Variants in NRCAM observed in about 807,000 individuals in gnomAD.
NRCAM encodes NgCAM-related cell adhesion molecule.
NRCAM carries 83 observed loss-of-function variants against 156.5 expected under a neutral mutation model. The observed-to-expected ratio is 0.53, with a 90% CI of 0.44 to 0.64. NRCAM has a LOEUF of 0.64. Among genes scored for constraint, NRCAM ranks in the 30% least tolerant of loss-of-function variants. The probability of loss-of-function intolerance (pLI) is 0.00; values close to 1 mark genes in which losing one functional copy is unlikely to be tolerated. For synonymous variants in NRCAM, 538 were observed against 563.9 expected (o/e 0.95, Z 0.65); for missense variants, 1,417 against 1,597.3 (o/e 0.89, Z 1.92).
chr7:108,188,744 G>T (rs2068957276), intron 20 of NRCAM, among the ~76,000 whole-genome samples: 1 of 95,170 alleles, frequency 1.1e-5, no homozygotes, highest in African/African-American at 3.5e-5. Flanking sequence ...CAAGGACATT[G>T]AACACTCAAG....
In NRCAM at chr7:108,180,374, C is replaced by G; in HGVS notation, c.2700G>C (p.Glu900Asp). 6.2e-7 allele frequency: 1 copy of G among 1,614,230 alleles called. No homozygotes were observed. Among genetic ancestry groups the G allele is most frequent in the Non-Finnish European group, 8.5e-7 (1 of 1,180,034 alleles). ...SSSKRNRRHI[E>D]KKILTFQGSK... ...TGCCTTGGAAGGTGAGGATCTTTTT[C>G]TCAATGTGACGTCTGTTTCTTTTAG... The change falls in exon 25 of 33, where the codon GAG becomes GAC. Residue 900 changes from glutamate (E) to aspartate (D), a missense_variant. Physicochemically the swap from Glu to Asp is conservative, Grantham distance 45. Transcript: ENST00000379028.
chr7:108,187,674 G>A (rs977980777), intron 20 of NRCAM, among the ~76,000 whole-genome samples: 22 of 152,248 alleles, frequency 1.4e-4, no homozygotes, highest in Admixed American at 6.5e-4. Context: ...AGAGGTGGCC[G>A]GGCGCAGTGG....
At chr7:108,299,061 A>T (rs1246996682) in intron 3 of NRCAM, among the ~76,000 whole-genome samples, 1 of 128,136 alleles carries the variant, frequency 7.8e-6, no homozygotes, top group Non-Finnish European at 1.7e-5. Context: ...AACCAAGATC[A>T]CACTACTGCA....
At chr7:108,406,152 A>G in intron 1 of NRCAM, among the ~76,000 whole-genome samples, 1 of 152,132 alleles carries the variant, frequency 6.6e-6, no homozygotes, top group East Asian at 1.9e-4. Context: ...TAGGTGGTCC[A>G]AAGGAGACAG....
intron 1 of NRCAM, among the ~76,000 whole-genome samples, chr7:108,425,599 T>C (rs1160206454): frequency 2.0e-5 from 3 of 152,330 alleles, no homozygotes; most frequent in Admixed American, 2.0e-4. Context: ...TATCCCTGAC[T>C]TTATAGTTCT....
At chr7:108,448,838 T>C (rs1847297289) in intron 1 of NRCAM, among the ~76,000 whole-genome samples, 1 of 152,010 alleles carries the variant, frequency 6.6e-6, no homozygotes, top group Non-Finnish European at 1.5e-5. Context: ...GAAAAAACAC[T>C]GGTTAGACAA....
At chr7:108,191,937 A>G (rs753724455) in intron 17 of NRCAM, 84 bp from the exon 18 acceptor site, 2 of 1,464,508 alleles carry the variant, frequency 1.4e-6, no homozygotes, top group Non-Finnish European at 1.8e-6. Context: ...AAAAAACTGT[A>G]AATTTGATAA....
intron 3 of NRCAM, among the ~76,000 whole-genome samples, chr7:108,271,350 C>G (rs1051703339): frequency 7.9e-5 from 12 of 152,148 alleles, no homozygotes; most frequent in African/African-American, 2.9e-4. Flanking sequence ...TCATTCAAAA[C>G]ACACTCCTAC....
chr7:108,186,361 C>A (rs2066798960), intron 20 of NRCAM, among the ~76,000 whole-genome samples: 2 of 152,178 alleles, frequency 1.3e-5, no homozygotes, highest in South Asian at 4.2e-4. Flanking sequence ...GCATCTCAAA[C>A]TGGATAGTAC....
At chr7:108,372,173 A>C (rs2154343162) in intron 2 of NRCAM, among the ~76,000 whole-genome samples, 1 of 152,270 alleles carries the variant, frequency 6.6e-6, no homozygotes, top group Admixed American at 6.5e-5. Flanking sequence ...CAAATGAATA[A>C]ACCTGGTTTC....
At chr7:108,443,648 TAAGTTAC>T (rs967162165) in intron 1 of NRCAM, among the ~76,000 whole-genome samples, 1 of 152,160 alleles carries the variant, frequency 6.6e-6, no homozygotes, top group Non-Finnish European at 1.5e-5. Flanking sequence ...TATGTGCCCT[TAAGTTAC>T]CAGGTGATGA....
intron 1 of NRCAM, among the ~76,000 whole-genome samples, chr7:108,411,102 T>A (rs1212754078): frequency 1.3e-5 from 2 of 152,222 alleles, no homozygotes; most frequent in East Asian, 1.9e-4. Flanking sequence ...AGGCCTTTTT[T>A]AATCAGTTGG....
chr7:108,170,460 T>C (rs1290136024), intron 28 of NRCAM, among the ~76,000 whole-genome samples: 1 of 152,190 alleles, frequency 6.6e-6, no homozygotes, highest in Admixed American at 6.5e-5. Flanking sequence ...CTGAGATAAA[T>C]GCGTATCTGA....
chr7:108,309,172 C>T (rs2098763037), intron 3 of NRCAM, among the ~76,000 whole-genome samples: 2 of 152,116 alleles, frequency 1.3e-5, no homozygotes, highest in Non-Finnish European at 1.5e-5. Flanking sequence ...AGGGACTGTC[C>T]AAGTATGCTA....
chr7:108,163,281 GA>G (rs2050503135), intron 30 of NRCAM, among the ~76,000 whole-genome samples: 1 of 152,106 alleles, frequency 6.6e-6, no homozygotes, highest in South Asian at 2.1e-4. Flanking sequence ...TTGTTTTCTG[GA>G]AGTCAGCTTT....
At chr7:108,413,641 T>C (rs1186441491) in intron 1 of NRCAM, among the ~76,000 whole-genome samples, 1 of 152,356 alleles carries the variant, frequency 6.6e-6, no homozygotes, top group East Asian at 1.9e-4. Flanking sequence ...AATTGGCTTT[T>C]AGGTTTCCCT....
At chr7:108,187,884 G>A (rs372396703) in intron 20 of NRCAM, among the ~76,000 whole-genome samples, 12 of 152,268 alleles carry the variant, frequency 7.9e-5, no homozygotes, top group African/African-American at 2.6e-4. Flanking sequence ...GAACCCGGGA[G>A]GCAGAGCTTG....
At chr7:108,454,155 G>A (rs572266383) in intron 1 of NRCAM, among the ~76,000 whole-genome samples, 35 of 152,290 alleles carry the variant, frequency 2.3e-4, no homozygotes, top group Non-Finnish European at 3.7e-4. Context: ...AGGAATAAAA[G>A]AATATGTAAA....
chr7:108,198,308 T>C lies in NRCAM; in HGVS notation c.1208-209A>G, dbSNP rs545769790. On this transcript the variant is annotated intron_variant, in intron 13 of 32. Transcript: ENST00000379028. Reference sequence around the variant, plus strand: ...TATGTGCTCAATATTCATTTAGTCTTAAGTCGATTGATTCTGTAACACTAA... The same window carrying C: ...TATGTGCTCAATATTCATTTAGTCTCAAGTCGATTGATTCTGTAACACTAA... 2.0e-5 allele frequency among the ~76,000 whole-genome samples: 3 copies of C among 152,330 alleles called. No homozygotes were observed. The East Asian group carries it at 5.8e-4, about 29-fold the overall frequency.
Sources: gnomAD v4.1 joint callset for allele counts (sites outside exome capture counted in the v4.1 genomes callset) on GRCh38, gnomAD v4.1.1 for gene constraint, MANE v1.5 for transcripts, NCBI Gene and HGNC (gene_info 2026-07-23, HGNC 2026-07-21) for gene names.